Variants in SYN2 observed in about 807,000 individuals in gnomAD.
The protein encoded by SYN2 is synapsin-2.
In SYN2, 19 loss-of-function variants were observed where a neutral mutation model predicts 50.9. That is an observed-to-expected ratio of 0.37 (90% CI 0.26 to 0.55). The LOEUF (loss-of-function observed/expected upper bound fraction) is 0.55, where lower values mean the gene tolerates loss of function less well. SYN2 is among the 20% of genes least tolerant of loss of function. SYN2 has a pLI of 0.81. For missense variants in SYN2, 587 were observed against 576.4 expected, an observed-to-expected ratio of 1.02 and a Z score of -0.19; for synonymous variants, 255 against 224.9, an observed-to-expected ratio of 1.13 and a Z score of -1.20.
intron 1 of SYN2, among the ~76,000 whole-genome samples, chr3:12,013,188 C>G (rs552116229): frequency 6.6e-6 from 1 of 152,246 alleles, no homozygotes; most frequent in Admixed American, 6.5e-5. Flanking sequence ...AGGCTAGTCC[C>G]GAAGTCTTGG....
intron 1 of SYN2, among the ~76,000 whole-genome samples, chr3:12,062,060 C>T (rs1695122539): frequency 6.6e-6 from 1 of 151,820 alleles, no homozygotes; most frequent in South Asian, 2.1e-4. Flanking sequence ...CCCAGAATAG[C>T]CGACATAATA....
Position 12,187,388 on chromosome 3 carries a change from A to G in SYN2, c.1389A>G (p.Gln463=). ...PPPQGGPGQP[Q]GMQPPGKVLP... is the part of the protein sequence containing the mutation. ...ACCTAGGGGGCCCTGGGCAACCCCAAGGAATGCAGCCCCCAGGCAAGGTGC... is the reference window on the plus strand; with the variant it reads ...ACCTAGGGGGCCCTGGGCAACCCCAGGGAATGCAGCCCCCAGGCAAGGTGC... Residue 463 remains glutamine, a synonymous_variant, in exon 12 of 13, where the codon CAA becomes CAG. Transcript: ENST00000621198. 1 of 1,547,488 alleles carries G rather than the reference A, an allele frequency of 6.5e-7. No homozygotes were observed. The highest frequency in any genetic ancestry group is 1.2e-5 in the South Asian group (1 of 83,942).
chr3:12,092,543 A>T (rs1207211162), intron 1 of SYN2, among the ~76,000 whole-genome samples: 1 of 152,186 alleles, frequency 6.6e-6, no homozygotes, highest in Non-Finnish European at 1.5e-5. Flanking sequence ...CAAAGGAACT[A>T]TTATTCCAAG....
chr3:12,046,794 G>A lies in SYN2; in HGVS notation c.377+41866G>A, dbSNP rs565589795. Among the ~76,000 whole-genome samples the A allele has an allele frequency of 1.9e-3, 284 of 152,202 alleles. 1 individual carries two copies. The highest frequency in any genetic ancestry group is 2.0e-3 in the Non-Finnish European group (139 of 67,992). Reference sequence around the variant, plus strand: ...ATGATTGATTAGATAAGAAATGAAGGAGAGGTCAAAGTATGACGACTAGGT... The same window carrying A: ...ATGATTGATTAGATAAGAAATGAAGAAGAGGTCAAAGTATGACGACTAGGT... On this transcript the variant is annotated intron_variant, in intron 1 of 12. Transcript: ENST00000621198.
chr3:12,145,634 C>A (rs1280848734), intron 3 of SYN2, 45 bp from the exon 4 acceptor site: 4 of 1,602,922 alleles, frequency 2.5e-6, no homozygotes, highest in Non-Finnish European at 3.4e-6. Flanking sequence ...GATGTATGGC[C>A]TGAAGTGCTG....
chr3:12,050,711 CTTTTTTTTTTTTTTTTTTTTTT>C (rs57099569), intron 1 of SYN2, among the ~76,000 whole-genome samples: 1,575 of 50,704 alleles, frequency 0.031, 67 homozygotes, highest in African/African-American at 0.065. Context: ...CTTCTCTTCT[CTTTTTTTTTTTTTTTTTTTTTT>C]TTTTTTTTTT....
intron 1 of SYN2, among the ~76,000 whole-genome samples, chr3:12,108,616 A>G (rs893314558): frequency 6.6e-6 from 1 of 152,196 alleles, no homozygotes; most frequent in Non-Finnish European, 1.5e-5. Flanking sequence ...TTTTAAATAC[A>G]GAGTCCCTCT....
intron 9 of SYN2, among the ~76,000 whole-genome samples, chr3:12,169,432 T>C (rs1415804063): frequency 6.6e-6 from 1 of 152,204 alleles, no homozygotes; most frequent in Non-Finnish European, 1.5e-5. Flanking sequence ...ATCTACGTGC[T>C]CCCCTGCCTG....
Position 12,158,833 on chromosome 3 carries a change from C to A in SYN2, c.775-2713C>A. 2.5e-6 allele frequency: 4 copies of A among 1,585,764 alleles called. No homozygotes were observed. The East Asian group carries it at 9.0e-5, about 36-fold the overall frequency. On this transcript the variant is annotated intron_variant, in intron 5 of 12. Coordinates refer to ENST00000621198, the MANE Select transcript of SYN2 (RefSeq NM_133625.6). Reference sequence around the variant, plus strand: ...CCAGCTTGGCGCGGGCCGAGGGCTCCCAGGCATGACACTGCAGATCCGCGA... The same window carrying A: ...CCAGCTTGGCGCGGGCCGAGGGCTCACAGGCATGACACTGCAGATCCGCGA...
chr3:12,070,028 A>T (rs562177844), intron 1 of SYN2, among the ~76,000 whole-genome samples: 4 of 151,822 alleles, frequency 2.6e-5, no homozygotes, highest in African/African-American at 7.3e-5. Flanking sequence ...CGAATTCCTC[A>T]AACTCAAGTG....
chr3:12,090,648 G>A (rs761853820), intron 1 of SYN2, among the ~76,000 whole-genome samples: 3 of 152,208 alleles, frequency 2.0e-5, no homozygotes, highest in Non-Finnish European at 2.9e-5. Flanking sequence ...CCATGAACAG[G>A]AAGTCATCTG....
chr3:12,118,061 T>C (rs915314447), intron 1 of SYN2, among the ~76,000 whole-genome samples: 6 of 152,178 alleles, frequency 3.9e-5, no homozygotes, highest in African/African-American at 1.4e-4. Context: ...CAGTGCGAAG[T>C]AGCATGACAA....
rs1407927512 is a variant in SYN2, at chr3:12,191,948, A to C, written c.*1323A>C. ...GCTGCTTCATGACTCCCTGATACTC[A>C]AGTATATTTTCCCAAAGACCACGGA... On this transcript the variant is annotated 3_prime_UTR_variant, in exon 13 of 13. Coordinates refer to ENST00000621198, the MANE Select transcript of SYN2 (RefSeq NM_133625.6). Among the ~76,000 whole-genome samples the C allele has an allele frequency of 2.0e-5, 3 of 152,158 alleles. No homozygotes were observed. Among genetic ancestry groups the C allele is most frequent in the Non-Finnish European group, 2.9e-5 (2 of 68,036 alleles).
chr3:12,174,628 C>T (rs933015734), intron 10 of SYN2, among the ~76,000 whole-genome samples: 3 of 152,102 alleles, frequency 2.0e-5, no homozygotes, highest in South Asian at 4.1e-4. Flanking sequence ...ATTACAGGCA[C>T]GCGCCACCAC....
At chr3:12,190,101 T>C (rs1574899872) in intron 12 of SYN2, among the ~76,000 whole-genome samples, 1 of 152,252 alleles carries the variant, frequency 6.6e-6, no homozygotes, top group South Asian at 2.1e-4. Context: ...CCATTGTGAC[T>C]TCTTTTCATC....
At chr3:12,019,068 A>G (rs1464774494) in intron 1 of SYN2, among the ~76,000 whole-genome samples, 1 of 152,176 alleles carries the variant, frequency 6.6e-6, no homozygotes, top group East Asian at 1.9e-4. Context: ...CTGTGGACAT[A>G]TATCTTATGA....
intron 1 of SYN2, among the ~76,000 whole-genome samples, chr3:12,034,391 A>G (rs1017413396): frequency 3.9e-5 from 6 of 152,110 alleles, no homozygotes; most frequent in African/African-American, 1.4e-4. Context: ...GGCTAATTTA[A>G]TTGAGTCTTT....
intron 10 of SYN2, among the ~76,000 whole-genome samples, chr3:12,172,450 A>G (rs1026991182): frequency 6.6e-6 from 1 of 152,232 alleles, no homozygotes; most frequent in Non-Finnish European, 1.5e-5. Context: ...CAGTTACAGT[A>G]TATTATGGGG....
At chr3:12,106,646 T>C (rs1232615072) in intron 1 of SYN2, among the ~76,000 whole-genome samples, 1 of 152,192 alleles carries the variant, frequency 6.6e-6, no homozygotes, top group Non-Finnish European at 1.5e-5. Context: ...CCCTAGTCTC[T>C]AGCATAGTAT....
Sources: gnomAD v4.1 joint callset for allele counts (sites outside exome capture counted in the v4.1 genomes callset) on GRCh38, gnomAD v4.1.1 for gene constraint, MANE v1.5 for transcripts, NCBI Gene and HGNC (gene_info 2026-07-23, HGNC 2026-07-21) for gene names.